Variants in ZEB1 observed in about 807,000 individuals in gnomAD.
ZEB1 encodes the protein zinc finger E-box-binding homeobox 1.
In ZEB1, 21 loss-of-function variants were observed where a neutral mutation model predicts 84.9. The ratio of observed to expected loss-of-function variants is 0.25; its 90% CI spans 0.18 to 0.36. The LOEUF (loss-of-function observed/expected upper bound fraction) is 0.36, where lower values mean the gene tolerates loss of function less well. Ranked by LOEUF, ZEB1 falls within the 10% of genes least tolerant of loss-of-function variation. ZEB1 has a pLI of 1.00. For synonymous variants in ZEB1, 420 were observed against 471.1 expected (o/e 0.89, Z 1.41); for missense variants, 1,104 against 1,330.2 (o/e 0.83, Z 2.65).
chr10:31,332,158 A>G (rs1370776901), intron 1 of ZEB1, among the ~76,000 whole-genome samples: 1 of 152,182 alleles, frequency 6.6e-6, no homozygotes, highest in African/African-American at 2.4e-5. Flanking sequence ...TTGCTTCGAA[A>G]TGGTGCTGCC....
upstream of ZEB1, chr10:31,319,110 A>G: frequency 1.6e-6 from 1 of 642,094 alleles, no homozygotes. Flanking sequence ...GTGATGTCGT[A>G]AAGCCGGGAG....
At chr10:31,345,571 G>A (rs1035929284) in intron 1 of ZEB1, among the ~76,000 whole-genome samples, 5 of 152,126 alleles carry the variant, frequency 3.3e-5, no homozygotes, top group African/African-American at 1.2e-4. Flanking sequence ...CCTTTTATGG[G>A]AGATCAACTT....
At chr10:31,460,935 G>C (rs1415559931) in intron 1 of ZEB1, 102 bp from the exon 2 acceptor site, 12 of 934,752 alleles carry the variant, frequency 1.3e-5, no homozygotes, top group Non-Finnish European at 1.9e-5. Flanking sequence ...AGAAAACATT[G>C]AATTACAATC....
intron 4 of ZEB1, among the ~76,000 whole-genome samples, chr10:31,504,501 AT>A (rs2068624979): frequency 6.6e-6 from 1 of 151,950 alleles, no homozygotes; most frequent in Non-Finnish European, 1.5e-5. Flanking sequence ...AATGACATAG[AT>A]ATTTTGATAG....
intron 1 of ZEB1, among the ~76,000 whole-genome samples, chr10:31,343,861 T>C (rs761672569): frequency 6.6e-6 from 1 of 152,142 alleles, no homozygotes; most frequent in Admixed American, 6.6e-5. Flanking sequence ...CTCAAATGCC[T>C]GTCAAATCAG....
intron 1 of ZEB1, among the ~76,000 whole-genome samples, chr10:31,378,676 G>GA (rs1263313870): frequency 4.0e-5 from 6 of 151,738 alleles, no homozygotes; most frequent in African/African-American, 1.2e-4. Flanking sequence ...GTGTATTGGG[G>GA]AAAAAATCTT....
At chr10:31,519,620 A>G (rs2071875382) in intron 6 of ZEB1, among the ~76,000 whole-genome samples, 1 of 152,184 alleles carries the variant, frequency 6.6e-6, no homozygotes, top group African/African-American at 2.4e-5. Context: ...TTAGGGAAAA[A>G]CTATTTTCAA....
chr10:31,470,407 G>C (rs1172978507), intron 2 of ZEB1, among the ~76,000 whole-genome samples: 7 of 149,506 alleles, frequency 4.7e-5, no homozygotes. Flanking sequence ...CGAGAACTAC[G>C]TGAAGAATGC....
chr10:31,321,670 T>C, intron 1 of ZEB1: 1 of 1,215,634 alleles, frequency 8.2e-7, no homozygotes. Context: ...GCAGCTGCTG[T>C]AAACATGTTT....
At chr10:31,415,534 TA>T (rs144790727) in intron 1 of ZEB1, among the ~76,000 whole-genome samples, 5,150 of 151,720 alleles carry the variant, frequency 0.034, 272 homozygotes, top group African/African-American at 0.11. Flanking sequence ...AATTATAATT[TA>T]AAAAAAAATC....
rs568250808 is a variant in ZEB1, at chr10:31,463,128, C to T, written c.259+1891C>T. Among the ~76,000 whole-genome samples the T allele has an allele frequency of 6.6e-5, 10 of 151,930 alleles. 1 individual carries two copies. Among genetic ancestry groups the T allele is most frequent in the Admixed American group, 5.2e-4 (8 of 15,250 alleles). ...TATTTCTTATCTGTGGCCTGAATTACGTAGTTGATCCAGAGTCTTAATAGG... is the reference window on the plus strand; with the variant it reads ...TATTTCTTATCTGTGGCCTGAATTATGTAGTTGATCCAGAGTCTTAATAGG... On this transcript the variant is annotated intron_variant, in intron 2 of 8. Coordinates refer to ENST00000424869, the MANE Select transcript of ZEB1 (RefSeq NM_001174096.2).
rs536944451 is a variant in ZEB1 at position 31,364,570 on chromosome 10, C to T, written c.58+45278C>T. 4.7e-3 allele frequency among the ~76,000 whole-genome samples: 709 copies of T among 152,336 alleles called. 2 individuals carry two copies. Among genetic ancestry groups the T allele is most frequent in the Non-Finnish European group, 7.7e-3 (521 of 68,032 alleles). ...CCAGGCCCGCCTTCTCCATGGCTGC[C>T]GTGGCCTCAAGGGCCACCAGCCTTG... is the stretch of plus-strand genomic sequence containing the variant. On this transcript the variant is annotated intron_variant, in intron 1 of 8. Coordinates refer to ENST00000424869, the MANE Select transcript of ZEB1 (RefSeq NM_001174096.2).
At chr10:31,373,009 G>A in intron 1 of ZEB1, 2 of 985,238 alleles carry the variant, frequency 2.0e-6, no homozygotes, top group Non-Finnish European at 2.4e-6. Context: ...TAAAGTTTGG[G>A]TAATTTAGTT....
chr10:31,336,228 C>T (rs2038020806), intron 1 of ZEB1, among the ~76,000 whole-genome samples: 1 of 152,070 alleles, frequency 6.6e-6, no homozygotes, highest in Non-Finnish European at 1.5e-5. Context: ...CATGGAAGAA[C>T]TAAGAGATAA....
At chr10:31,457,241 C>T (rs2061344697) in intron 1 of ZEB1, among the ~76,000 whole-genome samples, 1 of 152,072 alleles carries the variant, frequency 6.6e-6, no homozygotes. Context: ...AACTGAAGCC[C>T]TCATTGGCTA....
chr10:31,448,994 G>A (rs1200505274), intron 1 of ZEB1, among the ~76,000 whole-genome samples: 3 of 152,230 alleles, frequency 2.0e-5, no homozygotes, highest in Admixed American at 6.5e-5. Context: ...GGGCAATGGC[G>A]GGCGCCCCTC....
intron 2 of ZEB1, among the ~76,000 whole-genome samples, chr10:31,470,462 A>G (rs1187775414): frequency 2.0e-5 from 3 of 151,182 alleles, no homozygotes; most frequent in Non-Finnish European, 4.4e-5. Context: ...AAAGGGTATC[A>G]GCGATGGAAG....
chr10:31,521,488 G>T lies in ZEB1; in HGVS notation c.2156G>T (p.Gly719Val), dbSNP rs779435142. Residue 719 changes from glycine to valine, a missense_variant, in exon 7 of 9, where the codon GGT becomes GTT. Transcript: ENST00000424869. ...CTTTCCTCATCCAGAAATACACAGG[G>T]TTACTTGTACACAGCTGAGGGTGCA... ...LNLSSSRNTQGYLYTAEGAQE... is the reference protein window; with the variant it reads ...LNLSSSRNTQVYLYTAEGAQE... The T allele has an allele frequency of 6.2e-7, 1 of 1,613,912 alleles. No homozygotes were observed. Among genetic ancestry groups the T allele is most frequent in the Non-Finnish European group, 8.5e-7 (1 of 1,180,000 alleles).
chr10:31,337,988 A>G (rs1208174858), intron 1 of ZEB1, among the ~76,000 whole-genome samples: 1 of 152,008 alleles, frequency 6.6e-6, no homozygotes, highest in Non-Finnish European at 1.5e-5. Context: ...CGGCCTAAGC[A>G]TAATAATTTC....
Sources: gnomAD v4.1 joint callset for allele counts (sites outside exome capture counted in the v4.1 genomes callset) on GRCh38, gnomAD v4.1.1 for gene constraint, MANE v1.5 for transcripts, NCBI Gene and HGNC (gene_info 2026-07-23, HGNC 2026-07-21) for gene names.